TACR3: variants seen among roughly 807,000 people sequenced by gnomAD.
The protein encoded by TACR3 is neuromedin-K receptor.
In TACR3, 34 loss-of-function variants were observed where a neutral mutation model predicts 35.0. The observed-to-expected ratio is 0.97, with a 90% CI of 0.74 to 1.30. TACR3 has a LOEUF of 1.30. Ranked by LOEUF, TACR3 falls within the 50% of genes most tolerant of loss-of-function variation. TACR3 has a pLI of 0.00. For synonymous variants in TACR3, 233 were observed against 221.1 expected (o/e 1.05, Z -0.48); for missense variants, 558 against 591.7 (o/e 0.94, Z 0.59).
chr4:103,613,364 C>A (rs1018233431), intron 3 of TACR3, among the ~76,000 whole-genome samples: 1 of 152,122 alleles, frequency 6.6e-6, no homozygotes, highest in African/African-American at 2.4e-5. Flanking sequence ...TGCTTTTAAG[C>A]ATTACTTAGG....
At chr4:103,643,435 G>A (rs1303373850) in intron 3 of TACR3, among the ~76,000 whole-genome samples, 1 of 80,000 alleles carries the variant, frequency 1.3e-5, no homozygotes, top group Non-Finnish European at 3.2e-5. Flanking sequence ...AAAAAAGAGA[G>A]AGAGAGAGAG....
chr4:103,719,279 A>G lies in TACR3; in HGVS notation c.397T>C (p.Ser133Pro). ...FLVNLAFSDA[S>P]MAAFNTLVNF... ...ACCAACGTGTTGAAGGCGGCCATGG[A>G]GGCGTCGGAGAAAGCCAGGTTCACA... is the stretch of plus-strand genomic sequence containing the variant. The change falls in exon 1 of 5, where the codon TCC becomes CCC. Residue 133 changes from serine to proline, a missense_variant. By Grantham distance (74) the Ser-to-Pro change is moderately conservative. Transcript: ENST00000304883. The G allele has an allele frequency of 6.2e-7, 1 of 1,614,224 alleles. No individual in the cohort carries two copies. Among genetic ancestry groups the G allele is most frequent in the Non-Finnish European group, 8.5e-7 (1 of 1,180,036 alleles).
At chr4:103,599,523 G>A (rs1294657665) in intron 3 of TACR3, among the ~76,000 whole-genome samples, 4 of 152,182 alleles carry the variant, frequency 2.6e-5, no homozygotes, top group Non-Finnish European at 4.4e-5. Context: ...GGGCATCCTT[G>A]TCTTGTGCCA....
chr4:103,688,251 G>T (rs1722303077), intron 1 of TACR3, among the ~76,000 whole-genome samples: 2 of 152,150 alleles, frequency 1.3e-5, no homozygotes, highest in African/African-American at 4.8e-5. Context: ...ATCAATTCAA[G>T]ATGGATTAAA....
intron 1 of TACR3, among the ~76,000 whole-genome samples, chr4:103,696,384 A>G (rs1012890448): frequency 2.0e-5 from 3 of 150,968 alleles, no homozygotes; most frequent in African/African-American, 5.0e-5. Context: ...TTTGTAGAAT[A>G]TAATTTTAAA....
intron 3 of TACR3, among the ~76,000 whole-genome samples, chr4:103,642,947 TTATG>T (rs970603822): frequency 2.0e-5 from 3 of 151,992 alleles, no homozygotes; most frequent in Non-Finnish European, 2.9e-5. Flanking sequence ...TGTACAATAA[TTATG>T]TATCAATATG....
intron 1 of TACR3, among the ~76,000 whole-genome samples, chr4:103,680,553 A>G (rs1722032670): frequency 6.7e-6 from 1 of 149,978 alleles, no homozygotes; most frequent in African/African-American, 2.4e-5. Context: ...ATACACATAT[A>G]TATATCACTT....
At chr4:103,707,677 C>T (rs560649100) in intron 1 of TACR3, among the ~76,000 whole-genome samples, 106 of 152,132 alleles carry the variant, frequency 7.0e-4, no homozygotes, top group Non-Finnish European at 1.2e-3. Flanking sequence ...TGCAGCCCAC[C>T]GAGCGAGAGC....
At position 103,589,632 on chromosome 4, in the gene TACR3, G is replaced by T; in HGVS notation, c.*50C>A. On this transcript the variant is annotated 3_prime_UTR_variant, in exon 5 of 5. Transcript: ENST00000304883. ...TGGTAAATAGGAGAATGGGGTCCTA[G>T]ACTGGCACCATGATGGTCTCACACT... 6.2e-7 allele frequency: 1 copy of T among 1,605,740 alleles called. No individual in the cohort carries two copies. Among genetic ancestry groups the T allele is most frequent in the South Asian group, 1.1e-5 (1 of 90,700 alleles).
At chr4:103,650,618 T>C (rs1560821862) in intron 3 of TACR3, among the ~76,000 whole-genome samples, 1 of 86,016 alleles carries the variant, frequency 1.2e-5, no homozygotes, top group African/African-American at 6.3e-5. Context: ...TATAAATATA[T>C]TATATATAAA....
chr4:103,692,720 A>C (rs1722433253), intron 1 of TACR3, among the ~76,000 whole-genome samples: 1 of 152,184 alleles, frequency 6.6e-6, no homozygotes, highest in Non-Finnish European at 1.5e-5. Context: ...ATAGCAAATA[A>C]ATAGAAAATA....
intron 3 of TACR3, among the ~76,000 whole-genome samples, chr4:103,595,873 T>C (rs1212047930): frequency 6.7e-6 from 1 of 149,142 alleles, no homozygotes; most frequent in South Asian, 2.2e-4. Flanking sequence ...TAGCATTAGG[T>C]ATATCTCCCA....
rs567452084 is a variant in TACR3 at position 103,694,942 on chromosome 4, G to C, written c.548+24186C>G. On this transcript the variant is annotated intron_variant, in intron 1 of 4. Coordinates refer to ENST00000304883, the MANE Select transcript of TACR3 (RefSeq NM_001059.3). ...ACAATCAATTTGACTGCAGATTCTT[G>C]TTCATATTCCAAATGTTTTCATTTA... Among the ~76,000 whole-genome samples the C allele has an allele frequency of 3.3e-5, 5 of 152,050 alleles. No homozygotes were observed. The East Asian group carries it at 7.7e-4, about 24-fold the overall frequency.
chr4:103,664,684 T>C (rs777580780), intron 1 of TACR3, among the ~76,000 whole-genome samples: 1 of 152,188 alleles, frequency 6.6e-6, no homozygotes, highest in Non-Finnish European at 1.5e-5. Context: ...ACTTCTGGCC[T>C]TCAGTGCTAG....
chr4:103,634,075 G>T (rs937371252), intron 3 of TACR3, among the ~76,000 whole-genome samples: 3 of 152,024 alleles, frequency 2.0e-5, no homozygotes, highest in Non-Finnish European at 4.4e-5. Flanking sequence ...AACTAAATAG[G>T]ACTAGAAGGC....
rs1156372882 is a variant in TACR3 at position 103,636,213 on chromosome 4, G to C, written c.888+19981C>G. Among the ~76,000 whole-genome samples, 9 of 151,906 alleles carry C rather than the reference G, an allele frequency of 5.9e-5. No homozygotes were observed. In the South Asian group the frequency reaches 6.2e-4, roughly 10 times the overall value. ...TGTATTGTTTTAGTATGTAGCAAAA[G>C]GAGCTGTTGAATGCTAGAAAACAAA... On this transcript the variant is annotated intron_variant, in intron 3 of 4. Transcript: ENST00000304883.
intron 1 of TACR3, among the ~76,000 whole-genome samples, chr4:103,707,079 C>T (rs377378488): frequency 6.6e-6 from 1 of 152,170 alleles, no homozygotes; most frequent in African/African-American, 2.4e-5. Context: ...TTGGCCCACT[C>T]GGTGGAATGC....
In TACR3 at chr4:103,644,231, GTAGA is replaced by G. The variant is rs146913036; in HGVS notation, c.888+11959_888+11962del. Among the ~76,000 whole-genome samples, 1,313 of 151,834 alleles carry G rather than the reference GTAGA, an allele frequency of 8.6e-3. 21 individuals are homozygous for G. The highest frequency in any genetic ancestry group is 0.03 in the African/African-American group (1,230 of 41,472). Reference sequence around the variant, plus strand: ...ATTGCAAGTCGTACCATGAGGTGGGGTAGATAAAGTTACTAGAATTAGCAAAGAG... The same window carrying G: ...ATTGCAAGTCGTACCATGAGGTGGGGTAAAGTTACTAGAATTAGCAAAGAG... On this transcript the variant is annotated intron_variant, in intron 3 of 4. Coordinates refer to ENST00000304883, the MANE Select transcript of TACR3 (RefSeq NM_001059.3).
At chr4:103,705,915 G>A (rs1231433559) in intron 1 of TACR3, among the ~76,000 whole-genome samples, 1 of 152,124 alleles carries the variant, frequency 6.6e-6, no homozygotes, top group Non-Finnish European at 1.5e-5. Flanking sequence ...AACGTTGTAG[G>A]ATTCTAAATA....
Sources: allele counts gnomAD v4.1 joint callset (sites outside exome capture counted in the v4.1 genomes callset), GRCh38; gene constraint gnomAD v4.1.1; transcripts MANE v1.5; gene names NCBI Gene and HGNC (gene_info 2026-07-23, HGNC 2026-07-21).